Variants in RBM25 observed in about 807,000 individuals in gnomAD.
RBM25 encodes the protein RNA-binding protein 25.
Under a neutral mutation model 120.7 loss-of-function variants are expected in RBM25, and 19 were observed. The observed-to-expected ratio is 0.16, with a 90% CI of 0.11 to 0.23. RBM25 has a LOEUF of 0.23. RBM25 is among the 10% of genes least tolerant of loss of function. The probability of loss-of-function intolerance (pLI) is 1.00; values close to 1 mark genes in which losing one functional copy is unlikely to be tolerated. For synonymous variants in RBM25, 390 were observed against 326.7 expected (o/e 1.19, Z -2.09); for missense variants, 605 against 1,041.5 (o/e 0.58, Z 5.77).
intron 18 of RBM25, among the ~76,000 whole-genome samples, chr14:73,115,910 A>G (rs1896417415): frequency 1.3e-5 from 2 of 152,232 alleles, no homozygotes; most frequent in African/African-American, 2.4e-5. Context: ...GGTGCATAGT[A>G]TGACTATGGG....
chr14:73,120,024 A>G lies in RBM25; in HGVS notation c.*219A>G. 5.7e-6 allele frequency: 3 copies of G among 524,236 alleles called. No homozygotes were observed. Among genetic ancestry groups the G allele is most frequent in the Non-Finnish European group, 9.1e-6 (3 of 328,092 alleles). 32.5% of individuals were successfully genotyped at this position (524,236 alleles called of 1,614,324 possible). A position where few individuals can be genotyped will look rare whatever the true frequency, so the allele number is the denominator to read the frequency against. On this transcript the variant is annotated 3_prime_UTR_variant, in exon 19 of 19. Transcript: ENST00000261973. ...GTTCTCTTTATACTCACCAGGTACA[A>G]ATTACTGGTATGTTTTATAAGCCGC...
intron 1 of RBM25, among the ~76,000 whole-genome samples, chr14:73,065,945 A>G (rs1895122563): frequency 6.6e-6 from 1 of 152,218 alleles, no homozygotes; most frequent in Non-Finnish European, 1.5e-5. Context: ...TCTTGTAACC[A>G]TTGTGAGGCT....
chr14:73,103,453 C>G lies in RBM25; in HGVS notation c.1129C>G (p.Arg377Gly). 1 of 1,602,804 alleles carries G rather than the reference C, an allele frequency of 6.2e-7. No homozygotes were observed. The highest frequency in any genetic ancestry group is 8.5e-7 in the Non-Finnish European group (1 of 1,175,924). The change falls in exon 10 of 19, where the codon CGT (arginine) becomes GGT (glycine). Residue 377 changes from arginine (R) to glycine (G), a missense_variant. This residue lies in a region of RBM25 where 465 missense variants were observed against 741.6 expected (regional missense o/e 0.63). Transcript: ENST00000261973. ...RDRDRERSSD[R>G]NKDRSRSREK... is the part of the protein sequence containing the mutation. ...CCGGGATAGAGAAAGGAGCTCAGAT[C>G]GTAATAAGGATCGCAGTCGATCAAG...
rs1438130919 is a variant in RBM25, at chr14:73,120,896, C to A, written c.*1091C>A. ...AAGGATAAAGGTAAATCATTCAAGG[C>A]AGTTACCAACCACTAACTATTTGTT... On this transcript the variant is annotated 3_prime_UTR_variant, in exon 19 of 19. Transcript: ENST00000261973. The A allele has an allele frequency of 6.6e-6, 1 of 152,176 alleles. No homozygotes were observed. Among genetic ancestry groups the A allele is most frequent in the Non-Finnish European group, 1.5e-5 (1 of 68,012 alleles). 9.4% of individuals were successfully genotyped at this position (152,176 alleles called of 1,614,324 possible).
intron 1 of RBM25, among the ~76,000 whole-genome samples, chr14:73,066,682 C>T (rs1337952013): frequency 1.3e-5 from 2 of 150,910 alleles, no homozygotes; most frequent in Middle Eastern, 3.2e-3. Context: ...CTAGGGATTC[C>T]TTTACCTATA....
chr14:73,096,019 C>T lies in RBM25; in HGVS notation c.544-896C>T, dbSNP rs1380505405. ...TTGAGATGGAGTTTCGCTCTTTTGC[C>T]CAGGCTGGAGTGCAGTGGCGTAATC... On this transcript the variant is annotated intron_variant, in intron 6 of 18. Transcript: ENST00000261973. 3.3e-5 allele frequency among the ~76,000 whole-genome samples: 5 copies of T among 152,134 alleles called. No individual in the cohort carries two copies. The East Asian group carries it at 9.7e-4, about 29-fold the overall frequency.
intron 1 of RBM25, chr14:73,064,976 A>C (rs1160808159): frequency 6.7e-6 from 1 of 148,696 alleles, no homozygotes; most frequent in Non-Finnish European, 1.5e-5. Flanking sequence ...TTTTAGACGG[A>C]GTCTTACTCT....
intron 18 of RBM25, among the ~76,000 whole-genome samples, chr14:73,116,083 T>C (rs78927601): frequency 2.0e-5 from 3 of 152,062 alleles, no homozygotes; most frequent in Admixed American, 2.0e-4. Context: ...TTTTTTTTTT[T>C]ACCAAGAAAG....
chr14:73,100,401 G>A, intron 9 of RBM25: 1 of 598,852 alleles, frequency 1.7e-6, no homozygotes, highest in Admixed American at 2.5e-5. Context: ...ATTTATGGAT[G>A]CCCCCTCAGA....
chr14:73,122,119 A>G lies in RBM25; in HGVS notation c.*2314A>G, dbSNP rs549068702. ...CATATTCTAGTGTCTGAAAATACAC[A>G]TAAGAAATTTCTATTAAGTTGCTTG... On this transcript the variant is annotated 3_prime_UTR_variant, in exon 19 of 19. Coordinates refer to ENST00000261973, the MANE Select transcript of RBM25 (RefSeq NM_021239.3). 2.6e-5 allele frequency: 4 copies of G among 152,228 alleles called. No individual in the cohort carries two copies. Among genetic ancestry groups the G allele is most frequent in the African/African-American group, 7.2e-5 (3 of 41,460 alleles). 9.4% of individuals were successfully genotyped at this position (152,228 alleles called of 1,614,324 possible). A position where few individuals can be genotyped will look rare whatever the true frequency, so the allele number is the denominator to read the frequency against.
At chr14:73,113,517 C>T (rs1594936849) in intron 17 of RBM25, among the ~76,000 whole-genome samples, 1 of 151,834 alleles carries the variant, frequency 6.6e-6, no homozygotes, top group East Asian at 2.0e-4. Context: ...ATGGTAAAAC[C>T]CCGCCTCTAC....
At chr14:73,079,570 T>C (rs988160008) in intron 4 of RBM25, among the ~76,000 whole-genome samples, 9 of 150,672 alleles carry the variant, frequency 6.0e-5, no homozygotes, top group African/African-American at 2.2e-4. Context: ...GTTCACCTCA[T>C]GAGTAGTTCA....
At chr14:73,094,469 A>G (rs1386688209) in intron 6 of RBM25, among the ~76,000 whole-genome samples, 4 of 151,596 alleles carry the variant, frequency 2.6e-5, no homozygotes, top group African/African-American at 9.7e-5. Context: ...GTCTTTTGAG[A>G]CGGAGTCTTG....
At position 73,080,823 on chromosome 14, in the gene RBM25, C is replaced by CT. The variant is rs35197238; in HGVS notation, c.325-2656dup. Among the ~76,000 whole-genome samples the CT allele has an allele frequency of 2.4e-3, 334 of 139,920 alleles. 6 individuals are homozygous for CT. Among genetic ancestry groups the CT allele is most frequent in the Admixed American group, 4.7e-3 (66 of 14,050 alleles). 91.8% of individuals were successfully genotyped at this position (139,920 alleles called of 152,430 possible). The stretch of plus-strand genomic sequence containing the variant: ...TTTCTTTGGTTTGTTTTCTTTCTTT[C>CT]TTTTTTTTTTTTTTTATTTGAGATG... On this transcript the variant is annotated intron_variant, in intron 4 of 18. Transcript: ENST00000261973.
At chr14:73,095,450 A>C (rs890729782) in intron 6 of RBM25, among the ~76,000 whole-genome samples, 2 of 151,682 alleles carry the variant, frequency 1.3e-5, no homozygotes, top group Non-Finnish European at 2.9e-5. Context: ...CTAAAAATAC[A>C]AAAAAATTAG....
intron 9 of RBM25, chr14:73,100,060 A>C: frequency 2.1e-6 from 1 of 467,770 alleles, no homozygotes. Context: ...TTCAGGGGGC[A>C]GCAGGATAAC....
intron 6 of RBM25, among the ~76,000 whole-genome samples, chr14:73,094,118 A>AT (rs916729247): frequency 4.0e-5 from 6 of 149,926 alleles, no homozygotes; most frequent in African/African-American, 9.8e-5. Flanking sequence ...CGCCTGGCTA[A>AT]TTTTTTTTGT....
At chr14:73,114,588 T>C (rs1896383548) in intron 18 of RBM25, among the ~76,000 whole-genome samples, 1 of 152,184 alleles carries the variant, frequency 6.6e-6, no homozygotes, top group African/African-American at 2.4e-5. Context: ...TTGATTCACT[T>C]CCTGCCTGTC....
At position 73,076,388 on chromosome 14, in the gene RBM25, G is replaced by A. The variant is rs772639104; in HGVS notation, c.156+20G>A. On this transcript the variant is annotated intron_variant, in intron 3 of 18. Coordinates refer to ENST00000261973, the MANE Select transcript of RBM25 (RefSeq NM_021239.3). ...CCAACTGTAAGTATAACTTAAAGGAGGAATCATGAGTTATGGTAGTGCTAG... is the reference window on the plus strand; with the variant it reads ...CCAACTGTAAGTATAACTTAAAGGAAGAATCATGAGTTATGGTAGTGCTAG... 1 of 1,592,726 alleles carries A rather than the reference G, an allele frequency of 6.3e-7. No individual in the cohort carries two copies. Among genetic ancestry groups the A allele is most frequent in the South Asian group, 1.1e-5 (1 of 90,586 alleles).
Sources: gnomAD v4.1 joint callset for allele counts (sites outside exome capture counted in the v4.1 genomes callset) on GRCh38, gnomAD v4.1.1 for gene constraint, gnomAD v4.1.1 regional missense constraint, MANE v1.5 for transcripts, NCBI Gene and HGNC (gene_info 2026-07-23, HGNC 2026-07-21) for gene names.